NTM: variants seen among roughly 807,000 people sequenced by gnomAD.
The protein encoded by NTM is neurotrimin.
A neutral mutation model predicts 42.1 loss-of-function variants in NTM; 13 were observed. That is an observed-to-expected ratio of 0.31 (90% confidence interval 0.20 to 0.49). The LOEUF (loss-of-function observed/expected upper bound fraction) is 0.49, where lower values mean the gene tolerates loss of function less well. Among genes scored for constraint, NTM ranks in the 20% least tolerant of loss-of-function variants. NTM has a pLI of 0.99. For synonymous variants in NTM, 187 were observed against 179.2 expected (o/e 1.04, Z -0.35); for missense variants, 373 against 452.8 (o/e 0.82, Z 1.60).
rs184163350 is a variant in NTM at position 131,519,351 on chromosome 11, G to T, written c.82+148463G>T. On this transcript the variant is annotated intron_variant, in intron 1 of 8. Coordinates refer to ENST00000683400, the MANE Select transcript of NTM (RefSeq NM_001352005.2). ...GGCTGCATCTTTAGTTTTATTTCTG[G>T]GTTAGCACCTGAGAGGTGAACCTGC... is the stretch of plus-strand genomic sequence containing the variant. Among the ~76,000 whole-genome samples the T allele has an allele frequency of 1.6e-4, 24 of 151,118 alleles. No individual in the cohort carries two copies. In the East Asian group the frequency reaches 4.7e-3, roughly 30 times the overall value.
chr11:131,586,179 C>T (rs1233606208), intron 1 of NTM, among the ~76,000 whole-genome samples: 5 of 152,076 alleles, frequency 3.3e-5, no homozygotes, highest in Non-Finnish European at 5.9e-5. Context: ...AATCACAGTT[C>T]ATTGAAGCCT....
At chr11:131,625,960 G>A (rs1428856445) in intron 1 of NTM, among the ~76,000 whole-genome samples, 1 of 152,146 alleles carries the variant, frequency 6.6e-6, no homozygotes, top group Non-Finnish European at 1.5e-5. Context: ...TTTATGTACT[G>A]TACTTTCGAA....
intron 1 of NTM, among the ~76,000 whole-genome samples, chr11:131,588,983 T>C (rs1003117023): frequency 4.0e-5 from 6 of 151,804 alleles, no homozygotes; most frequent in South Asian, 2.1e-4. Context: ...TATGGGAGAG[T>C]AGTGGAGCCT....
At position 132,236,810 on chromosome 11, in the gene NTM, T is replaced by G. The variant is rs551950087; in HGVS notation, c.526+24663T>G. Among the ~76,000 whole-genome samples the G allele has an allele frequency of 4.6e-5, 7 of 152,324 alleles. No individual in the cohort carries two copies. In the East Asian group the frequency reaches 1.2e-3, roughly 25 times the overall value. On this transcript the variant is annotated intron_variant, in intron 4 of 8. Transcript: ENST00000683400. ...CGGCATGGAGAATGGCTGGCCTTAC[T>G]GACTCCCTCCGAAAGAATGGAGTGA...
chr11:131,394,945 T>C (rs1293220148), intron 1 of NTM, among the ~76,000 whole-genome samples: 2 of 152,212 alleles, frequency 1.3e-5, no homozygotes, highest in Non-Finnish European at 2.9e-5. Flanking sequence ...CTCATGGTGC[T>C]TGCAGTCTAT....
intron 1 of NTM, among the ~76,000 whole-genome samples, chr11:131,685,185 A>T (rs973717370): frequency 1.3e-5 from 2 of 152,242 alleles, no homozygotes; most frequent in African/African-American, 4.8e-5. Flanking sequence ...GAAGCCCAGC[A>T]GTTGGGCCCT....
chr11:131,576,603 C>T (rs1463606750), intron 1 of NTM, among the ~76,000 whole-genome samples: 5 of 152,174 alleles, frequency 3.3e-5, no homozygotes, highest in Non-Finnish European at 7.3e-5. Flanking sequence ...TCCATGTAAA[C>T]ATAAGAAAAT....
At chr11:132,198,817 A>T (rs553336236) in intron 3 of NTM, among the ~76,000 whole-genome samples, 1 of 152,222 alleles carries the variant, frequency 6.6e-6, no homozygotes. Flanking sequence ...CAGGACATGT[A>T]CTTTAAAATT....
At chr11:132,014,222 T>G (rs1265964647) in intron 2 of NTM, among the ~76,000 whole-genome samples, 1 of 152,126 alleles carries the variant, frequency 6.6e-6, no homozygotes, top group African/African-American at 2.4e-5. Context: ...TTTCATTTGT[T>G]TTTATAGCTG....
chr11:131,793,177 G>T (rs2091164493), intron 1 of NTM, among the ~76,000 whole-genome samples: 1 of 152,252 alleles, frequency 6.6e-6, no homozygotes, highest in Admixed American at 6.5e-5. Context: ...GGTTTGTAGG[G>T]AGTCTGCTAT....
intron 1 of NTM, among the ~76,000 whole-genome samples, chr11:131,568,605 A>G (rs115216600): frequency 4.4e-4 from 67 of 152,258 alleles, no homozygotes; most frequent in African/African-American, 1.4e-3. Context: ...CACACTTCTC[A>G]TGGGAGTCTT....
intron 1 of NTM, among the ~76,000 whole-genome samples, chr11:131,666,961 C>T (rs184549923): frequency 1.1e-4 from 17 of 152,278 alleles, no homozygotes; most frequent in African/African-American, 3.6e-4. Flanking sequence ...GGTCTGGGGC[C>T]GTGCAGTGTT....
chr11:131,987,902 G>A (rs1175981093), intron 2 of NTM, among the ~76,000 whole-genome samples: 1 of 152,226 alleles, frequency 6.6e-6, no homozygotes, highest in African/African-American at 2.4e-5. Flanking sequence ...GAAACGCAGA[G>A]ATGACTCATG....
chr11:131,451,957 A>G (rs1423857508), intron 1 of NTM, among the ~76,000 whole-genome samples: 2 of 152,120 alleles, frequency 1.3e-5, no homozygotes, highest in African/African-American at 4.8e-5. Flanking sequence ...CTCCAGTAGA[A>G]CAGCCGGCAA....
intron 2 of NTM, among the ~76,000 whole-genome samples, chr11:132,114,042 A>G (rs369704815): frequency 3.3e-5 from 5 of 152,088 alleles, no homozygotes; most frequent in African/African-American, 1.2e-4. Flanking sequence ...AGTTGAACTT[A>G]TTTCATCATC....
chr11:132,081,806 T>C (rs933013706), intron 2 of NTM, among the ~76,000 whole-genome samples: 7 of 151,520 alleles, frequency 4.6e-5, no homozygotes, highest in Admixed American at 1.3e-4. Context: ...CAAAGTAGTA[T>C]GTGAACCAGC....
intron 2 of NTM, among the ~76,000 whole-genome samples, chr11:131,927,792 A>G (rs2058125164): frequency 6.6e-6 from 1 of 152,204 alleles, no homozygotes; most frequent in Admixed American, 6.5e-5. Context: ...AGCATCAGAG[A>G]TGGGGTCACA....
At chr11:132,321,261 A>C (rs2136280551) in intron 7 of NTM, among the ~76,000 whole-genome samples, 1 of 152,324 alleles carries the variant, frequency 6.6e-6, no homozygotes, top group Non-Finnish European at 1.5e-5. Flanking sequence ...CCAAAGGCAA[A>C]GAAGTTGAAA....
intron 1 of NTM, chr11:131,455,338 G>GC (rs1950795119): frequency 6.6e-6 from 1 of 152,266 alleles, no homozygotes. Context: ...GAAGGCTGCA[G>GC]CCCCACCTCC....
Sources: allele counts gnomAD v4.1 joint callset (sites outside exome capture counted in the v4.1 genomes callset), GRCh38; gene constraint gnomAD v4.1.1; transcripts MANE v1.5; gene names NCBI Gene and HGNC (gene_info 2026-07-23, HGNC 2026-07-21).